RFX3: variants seen among roughly 807,000 people sequenced by gnomAD.
RFX3 encodes the protein transcription factor RFX3.
A neutral mutation model predicts 98.6 loss-of-function variants in RFX3; 14 were observed. The observed-to-expected ratio is 0.14, with a 90% CI of 0.09 to 0.22. The LOEUF is 0.22. RFX3 is among the 10% of genes least tolerant of loss of function. The pLI, the probability that RFX3 is intolerant of heterozygous loss-of-function variation, is 1.00. For synonymous variants in RFX3, 383 were observed against 328.4 expected (o/e 1.17, Z -1.80); for missense variants, 639 against 926.9 (o/e 0.69, Z 4.03).
intron 1 of RFX3, among the ~76,000 whole-genome samples, chr9:3,415,342 A>C (rs10971878): frequency 6.6e-6 from 1 of 151,486 alleles, no homozygotes; most frequent in East Asian, 1.9e-4. Flanking sequence ...AGTCTCCCAA[A>C]GTGCAGAGAT....
chr9:3,411,500 C>A (rs1042556995), intron 1 of RFX3, among the ~76,000 whole-genome samples: 1 of 152,026 alleles, frequency 6.6e-6, no homozygotes, highest in African/African-American at 2.4e-5. Flanking sequence ...CAGGCACCCG[C>A]CACCAGACTG....
At chr9:3,397,601 T>C (rs935481742) in intron 1 of RFX3, among the ~76,000 whole-genome samples, 4 of 152,202 alleles carry the variant, frequency 2.6e-5, no homozygotes, top group Non-Finnish European at 5.9e-5. Flanking sequence ...AAGAGACTTG[T>C]TCAAGGTGAC....
chr9:3,282,116 T>C (rs1825991536), intron 7 of RFX3, among the ~76,000 whole-genome samples: 1 of 151,792 alleles, frequency 6.6e-6, no homozygotes, highest in Non-Finnish European at 1.5e-5. Context: ...TAGAATTTTC[T>C]ACTGGAATCT....
intron 1 of RFX3, among the ~76,000 whole-genome samples, chr9:3,397,613 G>T (rs1282282771): frequency 6.6e-6 from 1 of 152,164 alleles, no homozygotes; most frequent in Non-Finnish European, 1.5e-5. Context: ...CAAGGTGACA[G>T]GAGTAGACTT....
chr9:3,227,478 T>C (rs1461337382), intron 16 of RFX3, among the ~76,000 whole-genome samples: 1 of 152,168 alleles, frequency 6.6e-6, no homozygotes, highest in Non-Finnish European at 1.5e-5. Context: ...TTTCTAGAAA[T>C]CTACTTCAGG....
intron 2 of RFX3, among the ~76,000 whole-genome samples, chr9:3,385,483 G>A (rs190454103): frequency 6.6e-6 from 1 of 151,970 alleles, no homozygotes; most frequent in African/African-American, 2.4e-5. Flanking sequence ...GGCTGAGACG[G>A]GTAGATCACC....
At chr9:3,277,483 A>C in intron 7 of RFX3, 22 bp from the exon 8 acceptor site, 1 of 1,605,414 alleles carries the variant, frequency 6.2e-7, no homozygotes, top group Middle Eastern at 1.7e-4. Flanking sequence ...AGATGGAAAA[A>C]AACAAATAAA....
At chr9:3,376,897 C>T (rs1587401059) in intron 2 of RFX3, among the ~76,000 whole-genome samples, 1 of 152,098 alleles carries the variant, frequency 6.6e-6, no homozygotes, top group African/African-American at 2.4e-5. Context: ...CTATGAGATA[C>T]CATCTCACAC....
chr9:3,292,747 C>CGT (rs760781326), intron 6 of RFX3, among the ~76,000 whole-genome samples: 63 of 151,590 alleles, frequency 4.2e-4, no homozygotes, highest in Non-Finnish European at 6.8e-4. Flanking sequence ...TTTTTATGTG[C>CGT]GTGTGTGTGT....
chr9:3,347,992 C>T (rs552452445), intron 2 of RFX3, among the ~76,000 whole-genome samples: 1 of 152,142 alleles, frequency 6.6e-6, no homozygotes, highest in Non-Finnish European at 1.5e-5. Context: ...TAAAATTTCC[C>T]TGATGAGTCC....
intron 1 of RFX3, among the ~76,000 whole-genome samples, chr9:3,424,883 T>A (rs147356403): frequency 7.9e-5 from 12 of 152,254 alleles, no homozygotes; most frequent in African/African-American, 2.9e-4. Context: ...AAACTTCAAG[T>A]GGCGATGAGA....
At chr9:3,464,726 A>G (rs970902996) in intron 1 of RFX3, among the ~76,000 whole-genome samples, 1 of 152,198 alleles carries the variant, frequency 6.6e-6, no homozygotes, top group Non-Finnish European at 1.5e-5. Context: ...AAACTCATCA[A>G]ATTGTACACT....
intron 4 of RFX3, among the ~76,000 whole-genome samples, chr9:3,328,841 T>C (rs1832240978): frequency 6.6e-6 from 1 of 152,192 alleles, no homozygotes; most frequent in Admixed American, 6.5e-5. Context: ...TCTCCCCAAT[T>C]TATTTCTATC....
At position 3,260,159 on chromosome 9, in the gene RFX3, A is replaced by G. The variant is rs993258795; in HGVS notation, c.1605+2776T>C. Among the ~76,000 whole-genome samples the G allele has an allele frequency of 5.3e-5, 8 of 152,100 alleles. No individual in the cohort carries two copies. The East Asian group carries it at 1.5e-3, about 29-fold the overall frequency. On this transcript the variant is annotated intron_variant, in intron 13 of 16. Transcript: ENST00000617270. Reference sequence around the variant, plus strand: ...AAAAGTAAAATGTAGGGGGAAATGAAGGGCTCACTACTGTGTCATGGTACT... The same window carrying G: ...AAAAGTAAAATGTAGGGGGAAATGAGGGGCTCACTACTGTGTCATGGTACT...
Position 3,435,531 on chromosome 9 carries a change from C to T in RFX3, c.-8-39935G>A, listed in dbSNP as rs1477102894. Among the ~76,000 whole-genome samples the T allele has an allele frequency of 4.6e-5, 7 of 152,066 alleles. No individual in the cohort carries two copies. The East Asian group carries it at 1.4e-3, about 29-fold the overall frequency. ...TATTATAACCTTAGGGGACCACTGT[C>T]ATATATGCAGTCCATCATTGACTGA... On this transcript the variant is annotated intron_variant, in intron 1 of 16. Coordinates refer to ENST00000617270, the MANE Select transcript of RFX3 (RefSeq NM_001282116.2).
At chr9:3,395,346 C>T in intron 2 of RFX3, 126 bp downstream of exon 2, 1 of 1,056,396 alleles carries the variant, frequency 9.5e-7, no homozygotes, top group East Asian at 2.4e-5. Context: ...GCTGAATGAA[C>T]CTAAAAACTG....
At chr9:3,455,728 T>C (rs573850011) in intron 1 of RFX3, among the ~76,000 whole-genome samples, 2 of 152,212 alleles carry the variant, frequency 1.3e-5, no homozygotes, top group African/African-American at 4.8e-5. Context: ...ACACAAAAGT[T>C]ATGTTAGGAA....
chr9:3,224,852 A>G lies in RFX3; in HGVS notation c.*190T>C, dbSNP rs532809464. On this transcript the variant is annotated 3_prime_UTR_variant, in exon 17 of 17. Coordinates refer to ENST00000617270, the MANE Select transcript of RFX3 (RefSeq NM_001282116.2). The stretch of plus-strand genomic sequence containing the variant: ...GAAAAAATTCATTATTAAGAAGCAA[A>G]TAATTTGTTTACGTTAAAAAAAAAG... The G allele has an allele frequency of 5.6e-5, 28 of 498,482 alleles. No individual in the cohort carries two copies. The South Asian group carries it at 1.1e-3, about 20-fold the overall frequency. The allele number at this position is 498,482 out of a possible 1,614,324, so 30.9% of individuals were successfully genotyped here.
At position 3,486,714 on chromosome 9, in the gene RFX3, A is replaced by T. The variant is rs113061402; in HGVS notation, c.-9+39033T>A. 3.9e-5 allele frequency among the ~76,000 whole-genome samples: 6 copies of T among 152,330 alleles called. 1 individual carries two copies. The highest frequency in any genetic ancestry group is 1.3e-4 in the Admixed American group (2 of 15,308). ...TCATATCTAAAAGTACAAAATTGCT[A>T]ATACATATTCAATTTGTAGAATGCT... On this transcript the variant is annotated intron_variant, in intron 1 of 16. Transcript: ENST00000617270.
Sources: allele counts gnomAD v4.1 joint callset (sites outside exome capture counted in the v4.1 genomes callset), GRCh38; gene constraint gnomAD v4.1.1; transcripts MANE v1.5; gene names NCBI Gene and HGNC (gene_info 2026-07-23, HGNC 2026-07-21).